Variants in ST14 observed in about 807,000 individuals in gnomAD.
The protein encoded by ST14 is ST14 transmembrane serine protease matriptase.
ST14 carries 40 observed loss-of-function variants against 96.5 expected under a neutral mutation model. The ratio of observed to expected loss-of-function variants is 0.41; its 90% CI spans 0.32 to 0.54. The LOEUF is 0.54. Ranked by LOEUF, ST14 falls within the 20% of genes least tolerant of loss-of-function variation. The pLI is 0.17. For synonymous variants in ST14, 506 were observed against 492.1 expected, an observed-to-expected ratio of 1.03 and a Z score of -0.37; for missense variants, 1,066 against 1,188.9, an observed-to-expected ratio of 0.90 and a Z score of 1.52.
At chr11:130,196,775 C>A in intron 11 of ST14, 75 bp downstream of exon 11, 1 of 1,600,490 alleles carries the variant, frequency 6.2e-7, no homozygotes, top group South Asian at 1.1e-5. Context: ...ATCTCGTTAG[C>A]ATCGTGCTTT....
At chr11:130,165,673 A>G (rs1386639932) in intron 1 of ST14, among the ~76,000 whole-genome samples, 1 of 152,144 alleles carries the variant, frequency 6.6e-6, no homozygotes, top group African/African-American at 2.4e-5. Context: ...GGTGGTGGCG[A>G]TGTTGAAAGG....
At chr11:130,184,566 G>A (rs898589937) in intron 1 of ST14, among the ~76,000 whole-genome samples, 1 of 152,152 alleles carries the variant, frequency 6.6e-6, no homozygotes, top group Non-Finnish European at 1.5e-5. Context: ...CTTTGGTAAT[G>A]GTCTCTTCTC....
chr11:130,164,417 A>G (rs1953025431), intron 1 of ST14, among the ~76,000 whole-genome samples: 1 of 149,042 alleles, frequency 6.7e-6, no homozygotes, highest in Non-Finnish European at 1.5e-5. Context: ...AAGTGTTGTT[A>G]TTACTGTTTT....
At chr11:130,196,010 A>C (rs984693549) in intron 9 of ST14, among the ~76,000 whole-genome samples, 1 of 151,514 alleles carries the variant, frequency 6.6e-6, no homozygotes, top group Non-Finnish European at 1.5e-5. Context: ...TACAAAAAAA[A>C]TTATCTGGGT....
chr11:130,196,843 A>G, intron 11 of ST14, 143 bp downstream of exon 11: 1 of 1,249,522 alleles, frequency 8.0e-7, no homozygotes, highest in South Asian at 1.3e-5. Context: ...TAGCTTTGGG[A>G]GGAAAACACG....
At chr11:130,176,732 C>T (rs1199428339) in intron 1 of ST14, among the ~76,000 whole-genome samples, 2 of 147,940 alleles carry the variant, frequency 1.4e-5, no homozygotes, top group Non-Finnish European at 3.0e-5. Context: ...GCCTGTCTGG[C>T]GATCTGTGAG....
At chr11:130,174,059 C>T (rs1591879485) in intron 1 of ST14, among the ~76,000 whole-genome samples, 1 of 152,308 alleles carries the variant, frequency 6.6e-6, no homozygotes, top group African/African-American at 2.4e-5. Flanking sequence ...GAAGCAGGAG[C>T]AGGACACAGA....
intron 16 of ST14, among the ~76,000 whole-genome samples, chr11:130,203,879 C>G (rs1231273173): frequency 1.3e-5 from 2 of 152,178 alleles, no homozygotes; most frequent in African/African-American, 2.4e-5. Context: ...GTCTTGAACT[C>G]CTGACCACGG....
rs563166292 is a variant in ST14 at position 130,173,528 on chromosome 11, G to A, written c.81+13468G>A. On this transcript the variant is annotated intron_variant, in intron 1 of 18. Coordinates refer to ENST00000278742, the MANE Select transcript of ST14 (RefSeq NM_021978.4). Reference sequence around the variant, plus strand: ...GGAGAATCACTAGAACCTGGGAGGCGGAGGTTGTGGTGAGCTAAGATGGTG... The same window carrying A: ...GGAGAATCACTAGAACCTGGGAGGCAGAGGTTGTGGTGAGCTAAGATGGTG... 3.9e-5 allele frequency among the ~76,000 whole-genome samples: 6 copies of A among 151,976 alleles called. No individual in the cohort carries two copies. The East Asian group carries it at 5.8e-4, about 15-fold the overall frequency.
chr11:130,173,098 C>T (rs1019902845), intron 1 of ST14, among the ~76,000 whole-genome samples: 8 of 151,738 alleles, frequency 5.3e-5, no homozygotes, highest in African/African-American at 2.0e-4. Context: ...CCTCAGTTTT[C>T]CCCCTCTTAA....
chr11:130,194,889 TGTGA>T, intron 9 of ST14, 152 bp downstream of exon 9: 1 of 810,526 alleles, frequency 1.2e-6, no homozygotes, highest in South Asian at 1.5e-5. Context: ...TATGTGTGTG[TGTGA>T]GACAGAGGTG....
intron 1 of ST14, among the ~76,000 whole-genome samples, chr11:130,168,668 A>C (rs996252659): frequency 2.0e-5 from 3 of 152,186 alleles, no homozygotes; most frequent in Non-Finnish European, 4.4e-5. Context: ...TCCAATTTCA[A>C]GGGTAGATCC....
chr11:130,179,375 G>A (rs1289987578), intron 1 of ST14, among the ~76,000 whole-genome samples: 1 of 152,196 alleles, frequency 6.6e-6, no homozygotes, highest in Non-Finnish European at 1.5e-5. Context: ...CGTGAAAATT[G>A]GCTTCTAGAG....
In ST14 at chr11:130,188,773, A is replaced by G; in HGVS notation, c.370-96A>G. 1 of 1,605,190 alleles carries G rather than the reference A, an allele frequency of 6.2e-7. No individual in the cohort carries two copies. Among genetic ancestry groups the G allele is most frequent in the Admixed American group, 1.7e-5 (1 of 59,330 alleles). ...GGGCCCTGGGATGGGGGTGATCTGC[A>G]AAGGGGACCCGGGCCCTGGAGGGGA... On this transcript the variant is annotated intron_variant, in intron 3 of 18. Coordinates refer to ENST00000278742, the MANE Select transcript of ST14 (RefSeq NM_021978.4). This position sits in a 1 kb window ranked among gnomAD's most constrained non-coding sequence, Gnocchi z 5.4.
At chr11:130,167,594 T>C (rs1953053778) in intron 1 of ST14, among the ~76,000 whole-genome samples, 1 of 152,168 alleles carries the variant, frequency 6.6e-6, no homozygotes, top group African/African-American at 2.4e-5. Context: ...GCTAGATTTG[T>C]GGAGCAAGAC....
rs558228269 is a variant in ST14 at position 130,197,960 on chromosome 11, G to C, written c.1459+15G>C. 8 of 1,561,468 alleles carry C rather than the reference G, an allele frequency of 5.1e-6. No individual in the cohort carries two copies. The highest frequency in any genetic ancestry group is 6.9e-6 in the Non-Finnish European group (8 of 1,156,134). ...GCTCAACTGCAGTGAGTCAGGCTGG[G>C]AGCCCCGGTCTCCCCACCCTCCTTC... On this transcript the variant is annotated intron_variant, in intron 12 of 18. Coordinates refer to ENST00000278742, the MANE Select transcript of ST14 (RefSeq NM_021978.4).
At position 130,160,015 on chromosome 11, in the gene ST14, C is replaced by T. The variant is rs781717480; in HGVS notation, c.36C>T (p.Gly12=). Residue 12 remains glycine, a synonymous_variant, in exon 1 of 19, where the codon GGC becomes GGT. Transcript: ENST00000278742. ...GSDRARKGGG[G]PKDFGAGLKY... ...ATCGGGCCCGCAAGGGCGGAGGGGG[C>T]CCGAAGGACTTCGGCGCGGGACTCA... The T allele has an allele frequency of 3.5e-5, 50 of 1,428,042 alleles. No homozygotes were observed. Among genetic ancestry groups the T allele is most frequent in the Non-Finnish European group, 4.1e-5 (44 of 1,082,436 alleles). The allele number at this position is 1,428,042 out of a possible 1,614,324, so 88.5% of individuals were successfully genotyped here.
chr11:130,200,110 A>T lies in ST14; in HGVS notation c.1967A>T (p.His656Leu). Residue 656 changes from histidine (H) to leucine (L), a missense_variant, in exon 16 of 19, where the codon CAC becomes CTC. By Grantham distance (99) the His-to-Leu change is moderately conservative. Coordinates refer to ENST00000278742, the MANE Select transcript of ST14 (RefSeq NM_021978.4). ...CCCAACTGGCTGGTCTCTGCCGCAC[A>T]CTGCTACATCGATGACAGAGGATTC... Reference protein sequence around the residue: ...ISPNWLVSAAHCYIDDRGFRY... With the variant: ...ISPNWLVSAALCYIDDRGFRY... 6.2e-7 allele frequency: 1 copy of T among 1,614,070 alleles called. No homozygotes were observed. The highest frequency in any genetic ancestry group is 8.5e-7 in the Non-Finnish European group (1 of 1,180,004).
chr11:130,208,618 G>C lies in ST14; in HGVS notation c.2203G>C (p.Ala735Pro). 6.2e-7 allele frequency: 1 copy of C among 1,613,984 alleles called. No individual in the cohort carries two copies. The highest frequency in any genetic ancestry group is 8.5e-7 in the Non-Finnish European group (1 of 1,179,978). ...GGTGCGGCCCATCTGCCTGCCGGAC[G>C]CCTCCCATGTCTTCCCTGCCGGCAA... Reference protein sequence around the residue: ...SMVRPICLPDASHVFPAGKAI... With the variant: ...SMVRPICLPDPSHVFPAGKAI... The change falls in exon 17 of 19, where the codon GCC (alanine) becomes CCC (proline). Residue 735 changes from alanine to proline, a missense_variant. Ala to Pro is a conservative substitution (Grantham distance 27). Coordinates refer to ENST00000278742, the MANE Select transcript of ST14 (RefSeq NM_021978.4).
Sources: allele counts gnomAD v4.1 joint callset (sites outside exome capture counted in the v4.1 genomes callset), GRCh38; gene constraint gnomAD v4.1.1; non-coding constraint Gnocchi (gnomAD v3.1); transcripts MANE v1.5; gene names NCBI Gene and HGNC (gene_info 2026-07-23, HGNC 2026-07-21).